The following EFNA3 variants were observed in gnomAD, a reference collection of about 807,000 sequenced individuals.
EFNA3 encodes the protein ephrin-A3.
In EFNA3, 15 loss-of-function variants were observed where a neutral mutation model predicts 25.0. That is an observed-to-expected ratio of 0.60 (90% CI 0.40 to 0.92). EFNA3 has a LOEUF of 0.92. EFNA3 is among the 40% of genes least tolerant of loss of function. The pLI is 0.00. For synonymous variants in EFNA3, 153 were observed against 145.6 expected (o/e 1.05, Z -0.37); for missense variants, 298 against 323.8 (o/e 0.92, Z 0.61).
Position 155,086,601 on chromosome 1 carries a change from C to G in EFNA3, c.*58C>G, listed in dbSNP as rs1240843210. ...GGCGGGGCTTGGAAGGAGCAGGGAGCCTTTGGCCTCTCCAAGGGAAGCCTA... is the reference window on the plus strand; with the variant it reads ...GGCGGGGCTTGGAAGGAGCAGGGAGGCTTTGGCCTCTCCAAGGGAAGCCTA... On this transcript the variant is annotated 3_prime_UTR_variant, in exon 5 of 5. Coordinates refer to ENST00000368408, the MANE Select transcript of EFNA3 (RefSeq NM_004952.5). 14 of 1,595,372 alleles carry G rather than the reference C, an allele frequency of 8.8e-6. No individual in the cohort carries two copies. Among genetic ancestry groups the G allele is most frequent in the Non-Finnish European group, 1.1e-5 (13 of 1,171,192 alleles).
In EFNA3 at chr1:155,080,785, TACTCCGTGCGGGCCTG is replaced by T. The variant is rs1403168127; in HGVS notation, c.128+1717_128+1732del. Among the ~76,000 whole-genome samples the T allele has an allele frequency of 2.0e-5, 3 of 152,120 alleles. No individual in the cohort carries two copies. Among genetic ancestry groups the T allele is most frequent in the Non-Finnish European group, 4.4e-5 (3 of 67,998 alleles). On this transcript the variant is annotated intron_variant, in intron 1 of 4. Coordinates refer to ENST00000368408, the MANE Select transcript of EFNA3 (RefSeq NM_004952.5). The surrounding 1 kb of genome is among the most constrained non-coding windows in gnomAD (Gnocchi z 7.0). ...CCGGGAGCCTCCTTTCTGTCCTCTC[TACTCCGTGCGGGCCTG>T]GGCCGGCAGAGGTAGGAGGGGGCGC...
In EFNA3 at chr1:155,086,157, A is replaced by C. The variant is rs751003805; in HGVS notation, c.538A>C (p.Thr180Pro). The change falls in exon 4 of 5, where the codon ACT (threonine) becomes CCT (proline). Residue 180 changes from threonine to proline, a missense_variant. Physicochemically the swap from Thr to Pro is conservative, Grantham distance 38 (BLOSUM62 -1). Transcript: ENST00000368408. ...TSHSGEKPVPTLPQFTMGPNV... is the reference protein window; with the variant it reads ...TSHSGEKPVPPLPQFTMGPNV... Reference sequence around the variant, plus strand: ...GCACTCCGGGGAGAAGCCGGTCCCCACTCTCCCCCAGTTCACCATGGGCCC... The same window carrying C: ...GCACTCCGGGGAGAAGCCGGTCCCCCCTCTCCCCCAGTTCACCATGGGCCC... 2 of 1,442,472 alleles carry C rather than the reference A, an allele frequency of 1.4e-6. No homozygotes were observed. The highest frequency in any genetic ancestry group is 1.9e-5 in the Admixed American group (1 of 53,762). 89.4% of individuals were successfully genotyped at this position (1,442,472 alleles called of 1,614,324 possible).
chr1:155,085,035 G>T lies in EFNA3; in HGVS notation c.129-56G>T, dbSNP rs1054844712. On this transcript the variant is annotated intron_variant, in intron 1 of 4. Coordinates refer to ENST00000368408, the MANE Select transcript of EFNA3 (RefSeq NM_004952.5). This position sits in a 1 kb window ranked among gnomAD's most constrained non-coding sequence, Gnocchi z 4.4. ...GGAGGGGCTGCGGAGCGGTCAGATGGAAAGCGGCTTTGCTCTGGGGTTTCT... is the reference window on the plus strand; with the variant it reads ...GGAGGGGCTGCGGAGCGGTCAGATGTAAAGCGGCTTTGCTCTGGGGTTTCT... 68 of 1,583,714 alleles carry T rather than the reference G, an allele frequency of 4.3e-5. No individual in the cohort carries two copies. Among genetic ancestry groups the T allele is most frequent in the Non-Finnish European group, 5.8e-5 (68 of 1,163,434 alleles).
chr1:155,084,739 A>T (rs768625975), intron 1 of EFNA3, among the ~76,000 whole-genome samples: 19 of 152,198 alleles, frequency 1.2e-4, no homozygotes, highest in Non-Finnish European at 1.9e-4. Flanking sequence ...TGGGTCTGAG[A>T]GTCGCTGGGG....
rs1468100042 is a variant in EFNA3, at chr1:155,081,361, G to A, written c.128+2292G>A. 6.6e-6 allele frequency among the ~76,000 whole-genome samples: 1 copy of A among 152,260 alleles called. No individual in the cohort carries two copies. The highest frequency in any genetic ancestry group is 1.5e-5 in the Non-Finnish European group (1 of 68,042). ...AAGCCGGGAATCGAACTTGGTGAGG[G>A]GGGTTGGGACGGCCGATGGCCAAAT... On this transcript the variant is annotated intron_variant, in intron 1 of 4. Coordinates refer to ENST00000368408, the MANE Select transcript of EFNA3 (RefSeq NM_004952.5). The surrounding 1 kb of genome is among the most constrained non-coding windows in gnomAD (Gnocchi z 5.2).
At position 155,085,025 on chromosome 1, in the gene EFNA3, C is replaced by A; in HGVS notation, c.129-66C>A. On this transcript the variant is annotated intron_variant, in intron 1 of 4. Transcript: ENST00000368408. The surrounding 1 kb of genome is among the most constrained non-coding windows in gnomAD (Gnocchi z 4.4). ...CGGACCCTGGGGAGGGGCTGCGGAG[C>A]GGTCAGATGGAAAGCGGCTTTGCTC... 1.3e-6 allele frequency: 2 copies of A among 1,549,032 alleles called. No individual in the cohort carries two copies. Among genetic ancestry groups the A allele is most frequent in the Non-Finnish European group, 1.8e-6 (2 of 1,135,568 alleles).
In EFNA3 at chr1:155,086,559, T is replaced by TGGG. The variant is rs11449003; in HGVS notation, c.*22_*24dup. The TGGG allele has an allele frequency of 8.7e-6, 14 of 1,605,054 alleles. No individual in the cohort carries two copies. The South Asian group carries it at 1.2e-4, about 14-fold the overall frequency. On this transcript the variant is annotated 3_prime_UTR_variant, in exon 5 of 5. Transcript: ENST00000368408. ...GGCCTCCTAGCTCTGCCCCCTCCCC[T>TGGG]GGGGGGGGAGAGATGGGGCGGGGCT...
intron 4 of EFNA3, 97 bp downstream of exon 4, chr1:155,086,302 T>C: frequency 1.9e-6 from 3 of 1,595,624 alleles, no homozygotes; most frequent in Non-Finnish European, 1.7e-6. Context: ...GGGGCACTGA[T>C]ACTTCCTACC....
rs1277263996 is a variant in EFNA3 at position 155,079,875 on chromosome 1, G to A, written c.128+806G>A. ...GCTGCGGGTCGGGGAAGGGGCTGCG[G>A]TCGCTGTCCGCGCGGCCAGCTGCGT... is the stretch of plus-strand genomic sequence containing the variant. On this transcript the variant is annotated intron_variant, in intron 1 of 4. Coordinates refer to ENST00000368408, the MANE Select transcript of EFNA3 (RefSeq NM_004952.5). This position sits in a 1 kb window ranked among gnomAD's most constrained non-coding sequence, Gnocchi z 7.7. 6.6e-6 allele frequency among the ~76,000 whole-genome samples: 1 copy of A among 152,006 alleles called. No homozygotes were observed. The highest frequency in any genetic ancestry group is 1.5e-5 in the Non-Finnish European group (1 of 67,982).
At position 155,080,713 on chromosome 1, in the gene EFNA3, C is replaced by A. The variant is rs1422263729; in HGVS notation, c.128+1644C>A. On this transcript the variant is annotated intron_variant, in intron 1 of 4. Transcript: ENST00000368408. This position sits in a 1 kb window ranked among gnomAD's most constrained non-coding sequence, Gnocchi z 7.0. Reference sequence around the variant, plus strand: ...ATCAGGTTCCCCTCCCCCGCATACACCTGGGCGCAGGTGAAAGCTCAGGGA... The same window carrying A: ...ATCAGGTTCCCCTCCCCCGCATACAACTGGGCGCAGGTGAAAGCTCAGGGA... Among the ~76,000 whole-genome samples the A allele has an allele frequency of 6.6e-6, 1 of 152,114 alleles. No homozygotes were observed. Among genetic ancestry groups the A allele is most frequent in the Non-Finnish European group, 1.5e-5 (1 of 67,978 alleles).
chr1:155,086,289 C>T (rs1047108576), intron 4 of EFNA3, 84 bp downstream of exon 4: 4 of 1,594,830 alleles, frequency 2.5e-6, no homozygotes, highest in Non-Finnish European at 3.4e-6. Context: ...CATGCCTTCC[C>T]TGGGGGCACT....
intron 1 of EFNA3, among the ~76,000 whole-genome samples, chr1:155,082,036 C>T (rs1663351555): frequency 6.6e-6 from 1 of 152,234 alleles, no homozygotes; most frequent in South Asian, 2.1e-4. Flanking sequence ...CAGACCTGGG[C>T]TGTCCAGACT....
In EFNA3 at chr1:155,085,220, C is replaced by T; in HGVS notation, c.258C>T (p.Tyr86=). 2 of 1,613,110 alleles carry T rather than the reference C, an allele frequency of 1.2e-6. No individual in the cohort carries two copies. The highest frequency in any genetic ancestry group is 1.7e-6 in the Non-Finnish European group (2 of 1,179,812). ...GPGPGGGAEQ[Y]VLYMVSRNGY... ...GGCCCGGAGGCGGGGCAGAGCAGTA[C>T]GTGCTGTACATGGTGAGCCGCAACG... Residue 86 remains tyrosine, a synonymous_variant, in exon 2 of 5, where the codon TAC becomes TAT. Coordinates refer to ENST00000368408, the MANE Select transcript of EFNA3 (RefSeq NM_004952.5). The surrounding 1 kb of genome is among the most constrained non-coding windows in gnomAD (Gnocchi z 4.4).
chr1:155,078,850 G>C lies in EFNA3; in HGVS notation c.-92G>C. The C allele has an allele frequency of 7.7e-7, 1 of 1,294,894 alleles. No individual in the cohort carries two copies. Among genetic ancestry groups the C allele is most frequent in the Non-Finnish European group, 9.8e-7 (1 of 1,023,774 alleles). 80.2% of individuals were successfully genotyped at this position (1,294,894 alleles called of 1,614,324 possible). Reference sequence around the variant, plus strand: ...GGCTGGGGGCGTGGCCTAAGGCTGGGGGCCGACGGCGGCGGCAGCAGGGAG... The same window carrying C: ...GGCTGGGGGCGTGGCCTAAGGCTGGCGGCCGACGGCGGCGGCAGCAGGGAG... On this transcript the variant is annotated 5_prime_UTR_variant, in exon 1 of 5. Coordinates refer to ENST00000368408, the MANE Select transcript of EFNA3 (RefSeq NM_004952.5).
rs1401393545 is a variant in EFNA3 at position 155,086,463 on chromosome 1, A to G, written c.637A>G (p.Ser213Gly). 1 of 1,614,080 alleles carries G rather than the reference A, an allele frequency of 6.2e-7. No individual in the cohort carries two copies. The highest frequency in any genetic ancestry group is 1.7e-5 in the Admixed American group (1 of 60,024). ...PQVPKLEKSI[S>G]GTSPKREHLP... ...GGTGCCCAAGCTTGAGAAGAGCATC[A>G]GCGGGACCAGCCCCAAACGGGAACA... Residue 213 changes from serine to glycine, a missense_variant, in exon 5 of 5, where the codon AGC (serine) becomes GGC (glycine). Ser to Gly is a moderately conservative substitution (Grantham distance 56). Transcript: ENST00000368408.
rs966728957 is a variant in EFNA3 at position 155,079,717 on chromosome 1, GCACA to G, written c.128+654_128+657del. Among the ~76,000 whole-genome samples, 135 of 152,244 alleles carry G rather than the reference GCACA, an allele frequency of 8.9e-4. No homozygotes were observed. The highest frequency in any genetic ancestry group is 3.1e-3 in the African/African-American group (130 of 41,552). ...AGAGAGATGTCGGTGTGTCACACAC[GCACA>G]CACACGCCCGGGCTGGGGACGGCGA... is the stretch of plus-strand genomic sequence containing the variant. On this transcript the variant is annotated intron_variant, in intron 1 of 4. Coordinates refer to ENST00000368408, the MANE Select transcript of EFNA3 (RefSeq NM_004952.5). The surrounding 1 kb of genome is among the most constrained non-coding windows in gnomAD (Gnocchi z 7.7).
chr1:155,084,303 A>T (rs553251336), intron 1 of EFNA3, among the ~76,000 whole-genome samples: 1 of 152,290 alleles, frequency 6.6e-6, no homozygotes, highest in East Asian at 1.9e-4. Flanking sequence ...CCTTGGCCTC[A>T]GGGTGGGGTC....
At position 155,083,175 on chromosome 1, in the gene EFNA3, ATG is replaced by A. The variant is rs1199217617; in HGVS notation, c.129-1915_129-1914del. The stretch of plus-strand genomic sequence containing the variant: ...GGGTGTTGGCTTCCTCCCTGCTGGA[ATG>A]GGGTGTGTTGTAGGGGGAACTGGGC... On this transcript the variant is annotated intron_variant, in intron 1 of 4. Coordinates refer to ENST00000368408, the MANE Select transcript of EFNA3 (RefSeq NM_004952.5). 2.0e-5 allele frequency among the ~76,000 whole-genome samples: 3 copies of A among 152,164 alleles called. No homozygotes were observed. The East Asian group carries it at 5.8e-4, about 29-fold the overall frequency.
In EFNA3 at chr1:155,085,433, C is replaced by A; in HGVS notation, c.442+29C>A. ...AGTGACGGCGGCCGGGCGGGCGGGT[C>A]TGAACGCGAGAGTCTGAGTGACAGC... is the stretch of plus-strand genomic sequence containing the variant. On this transcript the variant is annotated intron_variant, in intron 2 of 4. Transcript: ENST00000368408. The surrounding 1 kb of genome is among the most constrained non-coding windows in gnomAD (Gnocchi z 4.4). 6.5e-7 allele frequency: 1 copy of A among 1,528,148 alleles called. No individual in the cohort carries two copies. The highest frequency in any genetic ancestry group is 1.4e-5 in the African/African-American group (1 of 72,900). The allele number at this position is 1,528,148 out of a possible 1,614,324, so 94.7% of individuals were successfully genotyped here.
Sources: gnomAD v4.1 joint callset for allele counts (sites outside exome capture counted in the v4.1 genomes callset) on GRCh38, gnomAD v4.1.1 for gene constraint, Gnocchi (gnomAD v3.1) non-coding constraint, MANE v1.5 for transcripts, NCBI Gene and HGNC (gene_info 2026-07-23, HGNC 2026-07-21) for gene names.